The following ADGRG4 variants were observed in gnomAD, a reference collection of about 807,000 sequenced individuals.
ADGRG4 encodes adhesion G protein-coupled receptor G4.
Under a neutral mutation model 126.2 loss-of-function variants are expected in ADGRG4, and 122 were observed. The ratio of observed to expected loss-of-function variants is 0.97; its 90% CI spans 0.83 to 1.12. The LOEUF (loss-of-function observed/expected upper bound fraction) is 1.12. ADGRG4 is among the 50% of genes most tolerant of loss of function. ADGRG4 has a pLI of 0.00. For missense variants in ADGRG4, 2,481 were observed against 2,251.8 expected, an observed-to-expected ratio of 1.10 and a Z score of -2.06; for synonymous variants, 943 against 838.7, an observed-to-expected ratio of 1.12 and a Z score of -2.15.
At chrX:136,301,976 T>G (rs1031738578) in intron 1 of ADGRG4, among the ~76,000 whole-genome samples, 7 of 112,342 alleles carry the variant, frequency 6.2e-5, no homozygotes, top group Non-Finnish European at 1.3e-4. Context: ...GCTGTTTTAG[T>G]TACTGTATCC....
In ADGRG4 at chrX:136,351,659, C is replaced by A. The variant is rs759215047; in HGVS notation, c.6822+118C>A. ...ACTTTTTTCTACCAATAATAAATTT[C>A]ACAGCTAAGTAGTTTTTTTTTTTTT... On this transcript the variant is annotated intron_variant, in intron 7 of 25. Transcript: ENST00000394143. 16 of 312,416 alleles carry A rather than the reference C, an allele frequency of 5.1e-5. No homozygotes were observed. In the South Asian group the frequency reaches 1.2e-3, roughly 23 times the overall value. The allele number at this position is 312,416 out of a possible 1,213,427, so 25.7% of individuals were successfully genotyped here.
chrX:136,315,664 G>A, intron 4 of ADGRG4, among the ~76,000 whole-genome samples: 1 of 111,802 alleles, frequency 8.9e-6, no homozygotes, highest in Non-Finnish European at 1.9e-5. Flanking sequence ...ATATGTTGAA[G>A]TCCTAACCCT....
At chrX:136,368,156 A>T (rs2075171193) in intron 13 of ADGRG4, among the ~76,000 whole-genome samples, 1 of 112,319 alleles carries the variant, frequency 8.9e-6, no homozygotes, top group Non-Finnish European at 1.9e-5. Context: ...GTAAAAAGTG[A>T]TACTGAAGAG....
Position 136,349,362 on chromosome X carries a change from C to T in ADGRG4, c.5656C>T (p.Pro1886Ser), listed in dbSNP as rs757139127. Residue 1886 changes from proline to serine, a missense_variant, in exon 6 of 26, where the codon CCC becomes TCC. Pro to Ser is a moderately conservative substitution (Grantham distance 74). Coordinates refer to ENST00000394143, the MANE Select transcript of ADGRG4 (RefSeq NM_153834.4). ...TCTGCTTATGACTTCCTGGAACATA[C>T]CCACAGCTGAAGGTTCTCAGTTTCC... Reference protein sequence around the residue: ...QPLLMTSWNIPTAEGSQFPIS... With the variant: ...QPLLMTSWNISTAEGSQFPIS... The T allele has an allele frequency of 9.1e-6, 11 of 1,204,878 alleles. No homozygotes were observed. In the African/African-American group the frequency reaches 1.4e-4, roughly 15 times the overall value.
At chrX:136,326,442 G>A (rs924526079) in intron 5 of ADGRG4, among the ~76,000 whole-genome samples, 1 of 112,324 alleles carries the variant, frequency 8.9e-6, no homozygotes, top group African/African-American at 3.2e-5. Flanking sequence ...AATAAGTAGT[G>A]TAGCTGGGGT....
chrX:136,399,313 AT>A (rs1242472286), intron 20 of ADGRG4, among the ~76,000 whole-genome samples: 1 of 112,612 alleles, frequency 8.9e-6, no homozygotes, highest in Non-Finnish European at 1.9e-5. Flanking sequence ...CAAAATTTAA[AT>A]CAATAAATAT....
intron 4 of ADGRG4, among the ~76,000 whole-genome samples, chrX:136,321,862 A>G (rs1243682360): frequency 8.9e-6 from 1 of 112,309 alleles, no homozygotes; most frequent in African/African-American, 3.2e-5. Context: ...ATCTTCAAAT[A>G]ATCTTGTAAA....
At position 136,379,457 on chromosome X, in the gene ADGRG4, T is replaced by G. The variant is rs1317950212; in HGVS notation, c.7776+6393T>G. On this transcript the variant is annotated intron_variant, in intron 15 of 25. Coordinates refer to ENST00000394143, the MANE Select transcript of ADGRG4 (RefSeq NM_153834.4). ...TCTTGCCCCCTGCCCTCTCCTCCCC[T>G]TCTTTCTCTTCTCTCTTCTCCTTCC... Among the ~76,000 whole-genome samples, 3 of 104,547 alleles carry G rather than the reference T, an allele frequency of 2.9e-5. No individual in the cohort carries two copies. The East Asian group carries it at 9.6e-4, about 33-fold the overall frequency. 90.8% of individuals were successfully genotyped at this position (104,547 alleles called of 115,157 possible). A position where few individuals can be genotyped will look rare whatever the true frequency, so the allele number is the denominator to read the frequency against.
At chrX:136,317,903 T>C (rs2074815477) in intron 4 of ADGRG4, among the ~76,000 whole-genome samples, 1 of 112,246 alleles carries the variant, frequency 8.9e-6, no homozygotes, top group Non-Finnish European at 1.9e-5. Flanking sequence ...AAGTGTTGGC[T>C]AAGATGTGGA....
intron 3 of ADGRG4, among the ~76,000 whole-genome samples, chrX:136,306,314 T>A (rs1357981900): frequency 9.0e-6 from 1 of 111,463 alleles, no homozygotes; most frequent in Non-Finnish European, 1.9e-5. Context: ...TGCTTGAAAT[T>A]GTGTGAGGTA....
At chrX:136,340,481 T>TA (rs1017993008) in intron 5 of ADGRG4, among the ~76,000 whole-genome samples, 1 of 111,936 alleles carries the variant, frequency 8.9e-6, no homozygotes, top group Non-Finnish European at 1.9e-5. Flanking sequence ...TGTTTTAGTT[T>TA]AGCATTGCAA....
intron 4 of ADGRG4, among the ~76,000 whole-genome samples, chrX:136,315,994 T>A (rs1008020690): frequency 8.9e-6 from 1 of 112,248 alleles, no homozygotes; most frequent in Non-Finnish European, 1.9e-5. Flanking sequence ...GACCTTGGAC[T>A]TCTAGCCTCC....
chrX:136,390,548 G>A (rs1659393474), intron 16 of ADGRG4, among the ~76,000 whole-genome samples: 2 of 111,327 alleles, frequency 1.8e-5, no homozygotes, highest in South Asian at 3.8e-4. Context: ...AGGTCTCAGC[G>A]GAGCCCTGAA....
At chrX:136,363,382 C>T (rs186724938) in intron 12 of ADGRG4, 95 bp from the exon 13 acceptor site, 62 of 613,111 alleles carry the variant, frequency 1.0e-4, no homozygotes, top group Non-Finnish European at 1.4e-4. Flanking sequence ...TTGGGGCAGG[C>T]GAGGAGAAGG....
In ADGRG4 at chrX:136,371,405, A is replaced by G. The variant is rs777410884; in HGVS notation, c.7474A>G (p.Ile2492Val). The G allele has an allele frequency of 8.4e-7, 1 of 1,196,455 alleles. No individual in the cohort carries two copies. The highest frequency in any genetic ancestry group is 1.1e-6 in the Non-Finnish European group (1 of 883,513). ...AGCCCTGGGTAAAGAAGAGACAAAG[A>G]TTATTGTTTCTAAAATATCAGATAT... Reference protein sequence around the residue: ...SPALGKEETKIIVSKISDISQ... With the variant: ...SPALGKEETKVIVSKISDISQ... The change falls in exon 14 of 26, where the codon ATT (isoleucine) becomes GTT (valine). Residue 2492 changes from isoleucine (I) to valine (V), a missense_variant. Ile to Val is a conservative substitution (Grantham distance 29). Transcript: ENST00000394143.
intron 17 of ADGRG4, among the ~76,000 whole-genome samples, chrX:136,392,739 C>T (rs1450573132): frequency 8.9e-6 from 1 of 112,115 alleles, no homozygotes. Flanking sequence ...CACCAAAGAA[C>T]TAAAAGCATA....
intron 3 of ADGRG4, among the ~76,000 whole-genome samples, chrX:136,308,063 T>G: frequency 8.8e-6 from 1 of 113,091 alleles, no homozygotes; most frequent in Admixed American, 9.3e-5. Flanking sequence ...GTAGTTGAAT[T>G]GAAGTTTGTG....
In ADGRG4 at chrX:136,350,055, C is replaced by T. The variant is rs777797028; in HGVS notation, c.6349C>T (p.Pro2117Ser). Residue 2117 changes from proline to serine, a missense_variant, in exon 6 of 26, where the codon CCC becomes TCC. By Grantham distance (74) the Pro-to-Ser change is moderately conservative (BLOSUM62 -1). Coordinates refer to ENST00000394143, the MANE Select transcript of ADGRG4 (RefSeq NM_153834.4). Reference sequence around the variant, plus strand: ...CTCCAGAACCACAATAACTGCCAACCCCAGGACTGTGTCTCATCCTTCATC... The same window carrying T: ...CTCCAGAACCACAATAACTGCCAACTCCAGGACTGTGTCTCATCCTTCATC... ...ASSRTTITAN[P>S]RTVSHPSSFS... 5 of 1,210,866 alleles carry T rather than the reference C, an allele frequency of 4.1e-6. No homozygotes were observed. The East Asian group carries it at 1.5e-4, about 36-fold the overall frequency.
chrX:136,319,882 T>C (rs1404550872), intron 4 of ADGRG4, among the ~76,000 whole-genome samples: 1 of 111,847 alleles, frequency 8.9e-6, no homozygotes, highest in African/African-American at 3.3e-5. Context: ...CATGATTGTT[T>C]AAAACATGCA....
Sources: allele counts gnomAD v4.1 joint callset (sites outside exome capture counted in the v4.1 genomes callset), GRCh38; gene constraint gnomAD v4.1.1; transcripts MANE v1.5; gene names NCBI Gene and HGNC (gene_info 2026-07-23, HGNC 2026-07-21).